The following TNIP2 variants were observed in gnomAD, a reference collection of about 807,000 sequenced individuals.
The protein encoded by TNIP2 is TNFAIP3 interacting protein 2.
A neutral mutation model predicts 43.7 loss-of-function variants in TNIP2; 30 were observed. That is an observed-to-expected ratio of 0.69 (90% CI 0.51 to 0.93). The LOEUF (loss-of-function observed/expected upper bound fraction) is 0.93. TNIP2 is among the 40% of genes least tolerant of loss of function. TNIP2 has a pLI of 0.00. For missense variants in TNIP2, 599 were observed against 591.0 expected (o/e 1.01, Z -0.14); for synonymous variants, 260 against 254.6 (o/e 1.02, Z -0.20).
chr4:2,749,467 G>T (rs935542741), intron 1 of TNIP2, among the ~76,000 whole-genome samples: 3 of 152,196 alleles, frequency 2.0e-5, no homozygotes, highest in Non-Finnish European at 4.4e-5. Flanking sequence ...GGATTAGGAC[G>T]GGACTGGTGT....
intron 1 of TNIP2, among the ~76,000 whole-genome samples, chr4:2,752,102 TAAA>T (rs77704885): frequency 2.9e-5 from 3 of 103,850 alleles, no homozygotes; most frequent in Non-Finnish European, 6.0e-5. Flanking sequence ...AGACTCAGTT[TAAA>T]AAAAAAAAAA....
At chr4:2,751,762 C>T (rs1282497534) in intron 1 of TNIP2, among the ~76,000 whole-genome samples, 1 of 145,266 alleles carries the variant, frequency 6.9e-6, no homozygotes, top group East Asian at 2.1e-4. Context: ...AACAGAGTGA[C>T]CCTGTCAAAA....
intron 1 of TNIP2, 73 bp downstream of exon 1, chr4:2,755,941 T>TCACC: frequency 7.1e-6 from 10 of 1,418,106 alleles, no homozygotes; most frequent in Non-Finnish European, 9.1e-6. Context: ...GCCCGCTCGC[T>TCACC]CACCCACCCA....
At position 2,755,912 on chromosome 4, in the gene TNIP2, C is replaced by T. The variant is rs190623893; in HGVS notation, c.276+102G>A. On this transcript the variant is annotated intron_variant, in intron 1 of 5. Transcript: ENST00000315423. The stretch of plus-strand genomic sequence containing the variant: ...TCAACCCCAGGACCCAGTACCCCCT[C>T]AACCCCTCAGGACCCGGGGCCCGCT... The T allele has an allele frequency of 1.7e-4, 228 of 1,379,170 alleles. 2 individuals are homozygous for T. The African/African-American group carries it at 2.6e-3, about 16-fold the overall frequency. The allele number at this position is 1,379,170 out of a possible 1,614,324, so 85.4% of individuals were successfully genotyped here.
At position 2,744,696 on chromosome 4, in the gene TNIP2, C is replaced by T; in HGVS notation, c.906+1G>A. 2 of 1,600,922 alleles carry T rather than the reference C, an allele frequency of 1.2e-6. No individual in the cohort carries two copies. Among genetic ancestry groups the T allele is most frequent in the Admixed American group, 1.7e-5 (1 of 59,964 alleles). ...CCGTCCGGAGCCCGAGGGACAGACA[C>T]CTGCTGTTCCAGCATCTGCACCCGC... is the stretch of plus-strand genomic sequence containing the variant. On this transcript the variant is annotated splice_donor_variant, in intron 4 of 5. Coordinates refer to ENST00000315423, the MANE Select transcript of TNIP2 (RefSeq NM_024309.4). LOFTEE classifies it high-confidence loss of function. The surrounding 1 kb of genome is among the most constrained non-coding windows in gnomAD (Gnocchi z 5.1).
intron 2 of TNIP2, 76 bp downstream of exon 2, chr4:2,747,579 C>T: frequency 6.6e-7 from 1 of 1,505,448 alleles, no homozygotes. Flanking sequence ...CCCCCCACCT[C>T]TGTGATCAGG....
chr4:2,744,610 C>A lies in TNIP2; in HGVS notation c.906+87G>T, dbSNP rs1721886949. The A allele has an allele frequency of 1.9e-6, 3 of 1,593,312 alleles. No individual in the cohort carries two copies. Among genetic ancestry groups the A allele is most frequent in the African/African-American group, 1.3e-5 (1 of 74,680 alleles). Reference sequence around the variant, plus strand: ...CCACTGCCCACTCAGTGCCACCAAGCCTTCAGCCCAGCCTGTCCCATGATT... The same window carrying A: ...CCACTGCCCACTCAGTGCCACCAAGACTTCAGCCCAGCCTGTCCCATGATT... On this transcript the variant is annotated intron_variant, in intron 4 of 5. Coordinates refer to ENST00000315423, the MANE Select transcript of TNIP2 (RefSeq NM_024309.4). The surrounding 1 kb of genome is among the most constrained non-coding windows in gnomAD (Gnocchi z 5.1).
chr4:2,748,876 C>T (rs1308135475), intron 1 of TNIP2, among the ~76,000 whole-genome samples: 5 of 151,600 alleles, frequency 3.3e-5, no homozygotes, highest in Non-Finnish European at 7.4e-5. Context: ...TCACTGCAGC[C>T]TCGACCTCCC....
At chr4:2,749,888 T>C (rs528777184) in intron 1 of TNIP2, among the ~76,000 whole-genome samples, 2 of 152,216 alleles carry the variant, frequency 1.3e-5, no homozygotes, top group East Asian at 3.9e-4. Flanking sequence ...CATGGTTCAC[T>C]GTAGCCTCCA....
chr4:2,744,970 C>A lies in TNIP2; in HGVS notation c.658-25G>T. On this transcript the variant is annotated intron_variant, in intron 3 of 5. Transcript: ENST00000315423. The surrounding 1 kb of genome is among the most constrained non-coding windows in gnomAD (Gnocchi z 5.1). ...CCTGAAGAGGTGGAGCCGGAAAGCT[C>A]ACGGTGAAGGCAGCTGACAAAGCTG... 6.3e-7 allele frequency: 1 copy of A among 1,587,052 alleles called. No individual in the cohort carries two copies. The highest frequency in any genetic ancestry group is 1.1e-5 in the South Asian group (1 of 89,182).
At position 2,756,287 on chromosome 4, in the gene TNIP2, CATGGCTG is replaced by C; in HGVS notation, c.-5_2del. On this transcript the variant is annotated start_lost and 5_prime_UTR_variant, in exon 1 of 6. Transcript: ENST00000315423. ...AGCCGCCCGACCCCGGGTCCCGGGACATGGCTGTAGGCCCGCCCGGGAGGCCGCGCGG... is the reference window on the plus strand; with the variant it reads ...AGCCGCCCGACCCCGGGTCCCGGGACTAGGCCCGCCCGGGAGGCCGCGCGG... The C allele has an allele frequency of 7.2e-7, 1 of 1,386,382 alleles. No homozygotes were observed. The highest frequency in any genetic ancestry group is 3.2e-5 in the East Asian group (1 of 31,438). The allele number at this position is 1,386,382 out of a possible 1,614,324, so 85.9% of individuals were successfully genotyped here. A position where few individuals can be genotyped will look rare whatever the true frequency, so the allele number is the denominator to read the frequency against.
chr4:2,752,629 G>A (rs1428270600), intron 1 of TNIP2, among the ~76,000 whole-genome samples: 3 of 152,166 alleles, frequency 2.0e-5, no homozygotes, highest in Non-Finnish European at 4.4e-5. Flanking sequence ...CTTTAACTCT[G>A]CACTGCCACC....
At chr4:2,742,563 G>T in intron 5 of TNIP2, 43 bp from the exon 6 acceptor site, 1 of 1,446,900 alleles carries the variant, frequency 6.9e-7, no homozygotes, top group Non-Finnish European at 9.2e-7. Flanking sequence ...CTGTGCTGAC[G>T]GTCACAAAGC....
intron 1 of TNIP2, among the ~76,000 whole-genome samples, chr4:2,755,291 A>C (rs533704085): frequency 6.7e-6 from 1 of 150,176 alleles, no homozygotes. Flanking sequence ...ATACACACAG[A>C]ATACACACAG....
rs887349685 is a variant in TNIP2, at chr4:2,742,391, G to A, written c.1156C>T (p.Pro386Ser). Reference protein sequence around the residue: ...RPGTGSQQPEPPAEGGHPGAA... With the variant: ...RPGTGSQQPESPAEGGHPGAA... ...CCAGGATGCCCGCCCTCTGCAGGGG[G>A]TTCTGGCTGCTGGGACCCAGTCCCA... The change falls in exon 6 of 6, where the codon CCC becomes TCC. Residue 386 changes from proline (P) to serine (S), a missense_variant. Physicochemically the swap from Pro to Ser is moderately conservative, Grantham distance 74 (BLOSUM62 -1). Transcript: ENST00000315423. 7 of 1,610,214 alleles carry A rather than the reference G, an allele frequency of 4.3e-6. No homozygotes were observed. In the African/African-American group the frequency reaches 6.7e-5, roughly 15 times the overall value.
chr4:2,748,495 AC>A (rs1455603408), intron 1 of TNIP2, among the ~76,000 whole-genome samples: 1 of 152,152 alleles, frequency 6.6e-6, no homozygotes, highest in African/African-American at 2.4e-5. Flanking sequence ...GGCACACGCC[AC>A]CACGCCCAGC....
At chr4:2,748,881 C>A (rs1722030494) in intron 1 of TNIP2, among the ~76,000 whole-genome samples, 1 of 151,458 alleles carries the variant, frequency 6.6e-6, no homozygotes, top group Admixed American at 6.6e-5. Flanking sequence ...GCAGCCTCGA[C>A]CTCCCCAGGC....
At position 2,756,145 on chromosome 4, in the gene TNIP2, G is replaced by A; in HGVS notation, c.145C>T (p.Arg49Cys). ...CCCTCCAGCGCGGCCAGGCGGGCGC[G>A]GAGGCGAGCGATGAGGGCGTCGCGG... ...AARDALIARL[R>C]ARLAALEGDA... Residue 49 changes from arginine to cysteine, a missense_variant, in exon 1 of 6, where the codon CGC (arginine) becomes TGC (cysteine). Coordinates refer to ENST00000315423, the MANE Select transcript of TNIP2 (RefSeq NM_024309.4). 6.8e-7 allele frequency: 1 copy of A among 1,475,320 alleles called. No individual in the cohort carries two copies. Among genetic ancestry groups the A allele is most frequent in the Non-Finnish European group, 8.9e-7 (1 of 1,121,412 alleles). 91.4% of individuals were successfully genotyped at this position (1,475,320 alleles called of 1,614,324 possible). A position where few individuals can be genotyped will look rare whatever the true frequency, so the allele number is the denominator to read the frequency against.
chr4:2,755,872 G>A, intron 1 of TNIP2, 142 bp downstream of exon 1: 1 of 1,054,322 alleles, frequency 9.5e-7, no homozygotes, highest in Non-Finnish European at 1.2e-6. Context: ...CAACCCCTCA[G>A]GACCCGAGGC....
Sources: allele counts gnomAD v4.1 joint callset (sites outside exome capture counted in the v4.1 genomes callset), GRCh38; gene constraint gnomAD v4.1.1; non-coding constraint Gnocchi (gnomAD v3.1); transcripts MANE v1.5; gene names NCBI Gene and HGNC (gene_info 2026-07-23, HGNC 2026-07-21).